Variants in TTC17 observed in about 807,000 individuals in gnomAD.
TTC17 encodes the protein tetratricopeptide repeat protein 17.
In TTC17, 58 loss-of-function variants were observed where a neutral mutation model predicts 143.8. The ratio of observed to expected loss-of-function variants is 0.40; its 90% CI spans 0.33 to 0.50. The LOEUF (loss-of-function observed/expected upper bound fraction) is 0.50. TTC17 is among the 20% of genes least tolerant of loss of function. The probability of loss-of-function intolerance (pLI) is 0.49; values close to 1 mark genes in which losing one functional copy is unlikely to be tolerated. For missense variants in TTC17, 1,273 were observed against 1,392.5 expected, an observed-to-expected ratio of 0.91 and a Z score of 1.37; for synonymous variants, 501 against 497.8, an observed-to-expected ratio of 1.01 and a Z score of -0.09.
At position 43,358,991 on chromosome 11, in the gene TTC17, C is replaced by T. The variant is rs752100461; in HGVS notation, c.37C>T (p.Leu13=). Reference sequence around the variant, plus strand: ...AGTAGGGGTTCGTGGCCGGTACGAGCTGCCGCCTTGCTCCGGCCCAGGCTG... The same window carrying T: ...AGTAGGGGTTCGTGGCCGGTACGAGTTGCCGCCTTGCTCCGGCCCAGGCTG... ...AAVGVRGRYE[L]PPCSGPGWLL... is the part of the protein sequence containing the mutation. Residue 13 remains leucine (L), a synonymous_variant, in exon 1 of 24, where the codon CTG becomes TTG. Transcript: ENST00000039989. 3.8e-6 allele frequency: 6 copies of T among 1,582,816 alleles called. No homozygotes were observed. The highest frequency in any genetic ancestry group is 4.3e-6 in the Non-Finnish European group (5 of 1,165,004).
intron 16 of TTC17, among the ~76,000 whole-genome samples, chr11:43,437,260 C>T (rs1433396414): frequency 6.6e-6 from 1 of 152,146 alleles, no homozygotes; most frequent in East Asian, 1.9e-4. Context: ...ACAACTCACC[C>T]AGGCACCACT....
At chr11:43,478,588 C>CAA (rs759253281) in intron 21 of TTC17, among the ~76,000 whole-genome samples, 14 of 152,080 alleles carry the variant, frequency 9.2e-5, no homozygotes, top group Admixed American at 1.3e-4. Context: ...CATGAGGGTT[C>CAA]ATTATATTGT....
intron 3 of TTC17, among the ~76,000 whole-genome samples, chr11:43,390,594 C>G (rs1039366133): frequency 6.9e-6 from 1 of 145,738 alleles, no homozygotes; most frequent in South Asian, 2.2e-4. Context: ...CCAGCCTGGG[C>G]GACAGAGCAA....
chr11:43,401,195 A>C (rs1327968584), intron 9 of TTC17, among the ~76,000 whole-genome samples: 1 of 152,224 alleles, frequency 6.6e-6, no homozygotes, highest in African/African-American at 2.4e-5. Flanking sequence ...ACAGACTATA[A>C]TTGCTGAAAG....
At chr11:43,424,886 G>A (rs554889262) in intron 16 of TTC17, among the ~76,000 whole-genome samples, 1 of 152,030 alleles carries the variant, frequency 6.6e-6, no homozygotes, top group Non-Finnish European at 1.5e-5. Flanking sequence ...AGCAAGAGGG[G>A]GTCTGTTTTA....
At chr11:43,378,795 G>A (rs1856856461) in intron 1 of TTC17, 1 of 159,244 alleles carries the variant, frequency 6.3e-6, no homozygotes, top group South Asian at 1.8e-4. Context: ...TTTGATTTAT[G>A]ACTTCTACAA....
At chr11:43,477,437 A>G (rs553371460) in intron 21 of TTC17, among the ~76,000 whole-genome samples, 1 of 152,352 alleles carries the variant, frequency 6.6e-6, no homozygotes, top group South Asian at 2.1e-4. Context: ...GACATACCCA[A>G]AACCAGGAAC....
rs1482107133 is a variant in TTC17, at chr11:43,389,687, G to A, written c.285G>A (p.Glu95=). Residue 95 remains glutamate (E), a synonymous_variant, in exon 3 of 24, where the codon GAG becomes GAA. Coordinates refer to ENST00000039989, the MANE Select transcript of TTC17 (RefSeq NM_018259.6). ...TTGCTCAAAAAATTCACATAGAAGA[G>A]AATGAGGACAGAGACACAGGACTGG... ...QLVAQKIHIE[E]NEDRDTGLEQ... The A allele has an allele frequency of 1.2e-6, 2 of 1,611,426 alleles. No individual in the cohort carries two copies. The highest frequency in any genetic ancestry group is 2.7e-5 in the African/African-American group (2 of 74,798).
chr11:43,383,338 A>G (rs1857046158), intron 2 of TTC17, among the ~76,000 whole-genome samples: 1 of 151,928 alleles, frequency 6.6e-6, no homozygotes, highest in Admixed American at 6.6e-5. Context: ...CAAACCAACT[A>G]TGTATTTTTT....
intron 19 of TTC17, chr11:43,449,863 A>G (rs891750506): frequency 1.3e-5 from 7 of 534,232 alleles, no homozygotes; most frequent in East Asian, 1.0e-4. Context: ...AAAGAAAACT[A>G]AAAGATATAA....
chr11:43,361,662 T>G (rs1856109426), intron 1 of TTC17, among the ~76,000 whole-genome samples: 1 of 152,240 alleles, frequency 6.6e-6, no homozygotes, highest in Admixed American at 6.5e-5. Context: ...GTCAAGAAAT[T>G]ATAAGTTGAA....
At chr11:43,365,215 C>A (rs546649220) in intron 1 of TTC17, among the ~76,000 whole-genome samples, 75 of 152,268 alleles carry the variant, frequency 4.9e-4, no homozygotes, top group African/African-American at 1.8e-3. Flanking sequence ...ATCTTCCCAC[C>A]ACAACCTCCC....
At chr11:43,449,711 T>A (rs1227378770) in intron 19 of TTC17, 1 of 163,506 alleles carries the variant, frequency 6.1e-6, no homozygotes, top group Non-Finnish European at 1.3e-5. Context: ...TAGTCTATAA[T>A]AGTAAGCTTG....
At chr11:43,478,979 G>A (rs930965869) in intron 21 of TTC17, among the ~76,000 whole-genome samples, 13 of 152,228 alleles carry the variant, frequency 8.5e-5, no homozygotes, top group East Asian at 3.9e-4. Flanking sequence ...GGTGGCTCAC[G>A]CCTGTATTCC....
At chr11:43,370,795 GGTTT>G (rs67992959) in intron 1 of TTC17, among the ~76,000 whole-genome samples, 2,259 of 150,648 alleles carry the variant, frequency 0.015, 23 homozygotes, top group Middle Eastern at 0.021. Flanking sequence ...AGAGGGGGCA[GGTTT>G]GTTTGTTTGT....
chr11:43,447,791 C>T, intron 18 of TTC17: 1 of 513,138 alleles, frequency 1.9e-6, no homozygotes. Context: ...ATTCTTACTT[C>T]TCCACCTATC....
chr11:43,485,104 T>G (rs903034899), intron 21 of TTC17, among the ~76,000 whole-genome samples: 2 of 152,014 alleles, frequency 1.3e-5, no homozygotes, highest in African/African-American at 4.8e-5. Context: ...AGAAATAAAG[T>G]GCACGATAAA....
intron 16 of TTC17, among the ~76,000 whole-genome samples, chr11:43,415,746 C>T (rs939645007): frequency 6.6e-6 from 1 of 152,222 alleles, no homozygotes; most frequent in South Asian, 2.1e-4. Context: ...GAGTGATAGA[C>T]GGTAAGTAGT....
intron 16 of TTC17, among the ~76,000 whole-genome samples, chr11:43,434,851 A>C (rs1375594637): frequency 6.6e-6 from 1 of 152,232 alleles, no homozygotes; most frequent in Non-Finnish European, 1.5e-5. Flanking sequence ...AAAGTGGAAA[A>C]TGGAAAATGA....
Sources: allele counts gnomAD v4.1 joint callset (sites outside exome capture counted in the v4.1 genomes callset), GRCh38; gene constraint gnomAD v4.1.1; transcripts MANE v1.5; gene names NCBI Gene and HGNC (gene_info 2026-07-23, HGNC 2026-07-21).